Variants in ANXA10 observed in about 807,000 individuals in gnomAD.
ANXA10 encodes annexin A10, also known as annexin 14.
ANXA10 carries 49 observed loss-of-function variants against 53.5 expected under a neutral mutation model. That is an observed-to-expected ratio of 0.92 (90% confidence interval 0.73 to 1.16). The LOEUF (loss-of-function observed/expected upper bound fraction) is 1.16. Ranked by LOEUF, ANXA10 falls within the 50% of genes most tolerant of loss-of-function variation. The pLI is 0.00. For missense variants in ANXA10, 393 were observed against 394.4 expected (o/e 1.00, Z 0.03); for synonymous variants, 131 against 128.9 (o/e 1.02, Z -0.11).
At chr4:168,151,384 A>G (rs1731494608) in intron 3 of ANXA10, among the ~76,000 whole-genome samples, 1 of 152,230 alleles carries the variant, frequency 6.6e-6, no homozygotes, top group South Asian at 2.1e-4. Flanking sequence ...GACGAATAAG[A>G]AATAAGAAAA....
intron 1 of ANXA10, among the ~76,000 whole-genome samples, chr4:168,095,228 G>C (rs542429985): frequency 6.6e-6 from 1 of 151,730 alleles, no homozygotes; most frequent in Admixed American, 6.6e-5. Context: ...AAAATTGTTC[G>C]CTGATTTTGT....
intron 1 of ANXA10, chr4:168,127,713 C>A: frequency 2.2e-6 from 1 of 463,470 alleles, no homozygotes; most frequent in Non-Finnish European, 4.2e-6. Flanking sequence ...AATTGACACA[C>A]AAGTAAGGCG....
intron 6 of ANXA10, among the ~76,000 whole-genome samples, chr4:168,171,549 A>G (rs1731987785): frequency 6.6e-6 from 1 of 152,166 alleles, no homozygotes; most frequent in African/African-American, 2.4e-5. Flanking sequence ...AGACTGGGGT[A>G]ATTGGAGCAT....
intron 2 of ANXA10, among the ~76,000 whole-genome samples, chr4:168,137,259 G>T (rs1429000806): frequency 6.6e-6 from 1 of 152,172 alleles, no homozygotes; most frequent in Non-Finnish European, 1.5e-5. Context: ...CTGTACTTTT[G>T]ATTGGATTTT....
At chr4:168,162,440 G>T in intron 3 of ANXA10, 88 bp from the exon 4 acceptor site, 1 of 913,972 alleles carries the variant, frequency 1.1e-6, no homozygotes. Flanking sequence ...ACATGGAAAA[G>T]AAAATATTAA....
chr4:168,149,311 C>T (rs937897506), intron 3 of ANXA10, among the ~76,000 whole-genome samples: 19 of 152,128 alleles, frequency 1.2e-4, no homozygotes, highest in Admixed American at 3.3e-4. Context: ...CATATAAATA[C>T]CATATATTTC....
intron 3 of ANXA10, among the ~76,000 whole-genome samples, chr4:168,156,153 TA>T (rs1251651099): frequency 0.017 from 257 of 15,516 alleles, 2 homozygotes; most frequent in African/African-American, 0.069. Flanking sequence ...AAATAATATA[TA>T]TTATATATTA....
intron 6 of ANXA10, among the ~76,000 whole-genome samples, chr4:168,174,759 T>C (rs1732088814): frequency 6.6e-6 from 1 of 152,194 alleles, no homozygotes; most frequent in Non-Finnish European, 1.5e-5. Flanking sequence ...CTCAGTTTCT[T>C]AGTCTGAGCA....
intron 3 of ANXA10, among the ~76,000 whole-genome samples, chr4:168,147,115 T>C (rs1731419083): frequency 1.3e-5 from 2 of 152,222 alleles, no homozygotes; most frequent in Non-Finnish European, 1.5e-5. Context: ...ACCATTTTTT[T>C]CATGTAAATG....
chr4:168,140,238 G>T lies in ANXA10; in HGVS notation c.195+658G>T, dbSNP rs1200745461. Among the ~76,000 whole-genome samples the T allele has an allele frequency of 5.3e-5, 8 of 152,146 alleles. 1 individual carries two copies. The highest frequency in any genetic ancestry group is 3.9e-4 in the Admixed American group (6 of 15,278). ...AACAAAAACTCTTCAGGCCAAAAGT[G>T]CCTGAAACAACAATTACTTCATCAG... On this transcript the variant is annotated intron_variant, in intron 3 of 11. Coordinates refer to ENST00000359299, the MANE Select transcript of ANXA10 (RefSeq NM_007193.5).
chr4:168,168,260 A>G (rs576277703), intron 6 of ANXA10, among the ~76,000 whole-genome samples: 51 of 152,292 alleles, frequency 3.3e-4, no homozygotes, highest in African/African-American at 1.2e-3. Context: ...TCTTCACAGA[A>G]GTGTTCATGA....
Position 168,181,697 on chromosome 4 carries a change from G to C in ANXA10, c.739G>C (p.Asp247His). 1 of 1,604,294 alleles carries C rather than the reference G, an allele frequency of 6.2e-7. No individual in the cohort carries two copies. The highest frequency in any genetic ancestry group is 8.5e-7 in the Non-Finnish European group (1 of 1,173,124). Residue 247 changes from aspartate (D) to histidine (H), a missense_variant, in exon 10 of 12, where the codon GAC (aspartate) becomes CAC (histidine). Asp to His is a moderately conservative substitution (Grantham distance 81). Coordinates refer to ENST00000359299, the MANE Select transcript of ANXA10 (RefSeq NM_007193.5). ...ATTTCTCCTAGTTCTCTGTGTTCGA[G>C]ACAAACCAGCCTATTTTGCTTATAG... ...LLVAIVLCVR[D>H]KPAYFAYRLY...
intron 2 of ANXA10, among the ~76,000 whole-genome samples, chr4:168,130,768 T>C (rs1018310664): frequency 3.3e-5 from 5 of 152,018 alleles, no homozygotes; most frequent in African/African-American, 1.2e-4. Flanking sequence ...TATTTTATTA[T>C]GATTTTAATG....
chr4:168,099,367 G>A (rs1730602038), intron 1 of ANXA10, among the ~76,000 whole-genome samples: 1 of 152,090 alleles, frequency 6.6e-6, no homozygotes, highest in African/African-American at 2.4e-5. Context: ...GTCAGTACCT[G>A]GGGACACATG....
chr4:168,174,127 G>A (rs1414483879), intron 6 of ANXA10, among the ~76,000 whole-genome samples: 2 of 152,040 alleles, frequency 1.3e-5, no homozygotes, highest in Non-Finnish European at 2.9e-5. Context: ...CATTCTCCTT[G>A]GATGTGGGAC....
At position 168,177,738 on chromosome 4, in the gene ANXA10, A is replaced by G; in HGVS notation, c.481-2A>G. 1 of 1,614,116 alleles carries G rather than the reference A, an allele frequency of 6.2e-7. No individual in the cohort carries two copies. Among genetic ancestry groups the G allele is most frequent in the Non-Finnish European group, 8.5e-7 (1 of 1,179,968 alleles). ...CATGGAAAACCTGTGCTTACTTTAC[A>G]GGGGACCAGAGAGGAAGGATATACA... On this transcript the variant is annotated splice_acceptor_variant, in intron 6 of 11. Coordinates refer to ENST00000359299, the MANE Select transcript of ANXA10 (RefSeq NM_007193.5). LOFTEE classifies it high-confidence loss of function.
chr4:168,123,577 G>A (rs946134673), intron 1 of ANXA10, among the ~76,000 whole-genome samples: 1 of 152,142 alleles, frequency 6.6e-6, no homozygotes, highest in Non-Finnish European at 1.5e-5. Context: ...CATTTAGGAC[G>A]TTTTCTTTAA....
intron 5 of ANXA10, 45 bp downstream of exon 5, chr4:168,164,333 CT>C: frequency 7.6e-7 from 1 of 1,310,620 alleles, no homozygotes; most frequent in Non-Finnish European, 1.1e-6. Flanking sequence ...CATATAAGAA[CT>C]TTATAACACA....
At chr4:168,131,453 C>T (rs1429736557) in intron 2 of ANXA10, among the ~76,000 whole-genome samples, 1 of 151,922 alleles carries the variant, frequency 6.6e-6, no homozygotes, top group East Asian at 1.9e-4. Context: ...GCTTTTGTGG[C>T]AATAAGCATT....
Sources: allele counts gnomAD v4.1 joint callset (sites outside exome capture counted in the v4.1 genomes callset), GRCh38; gene constraint gnomAD v4.1.1; transcripts MANE v1.5; gene names NCBI Gene and HGNC (gene_info 2026-07-23, HGNC 2026-07-21).